FOXB1: variants seen among roughly 807,000 people sequenced by gnomAD.
The protein encoded by FOXB1 is forkhead box protein B1.
Under a neutral mutation model 18.6 loss-of-function variants are expected in FOXB1, and 6 were observed. The observed-to-expected ratio is 0.32, with a 90% confidence interval of 0.18 to 0.64. The LOEUF is 0.64. Among genes scored for constraint, FOXB1 ranks in the 30% least tolerant of loss-of-function variants. The probability of loss-of-function intolerance (pLI) is 0.78; values close to 1 mark genes in which losing one functional copy is unlikely to be tolerated. For missense variants in FOXB1, 419 were observed against 463.6 expected (o/e 0.90, Z 0.88); for synonymous variants, 213 against 216.0 (o/e 0.99, Z 0.12).
chr15:60,005,593 G>C lies in FOXB1; in HGVS notation c.630G>C (p.Ser210=). The C allele has an allele frequency of 6.2e-7, 1 of 1,607,350 alleles. No individual in the cohort carries two copies. The highest frequency in any genetic ancestry group is 8.5e-7 in the Non-Finnish European group (1 of 1,177,836). Residue 210 remains serine, a synonymous_variant, in exon 2 of 2, where the codon TCG becomes TCC. Transcript: ENST00000396057. This position sits in a 1 kb window ranked among gnomAD's most constrained non-coding sequence, Gnocchi z 9.8. ...ACCAGTTGACTACCATGGGCAGCTC[G>C]CTGGGCACCGGCTGGCCACACGTGT... ...LPNQLTTMGS[S]LGTGWPHVYG...
chr15:60,006,255 C>G lies in FOXB1; in HGVS notation c.*314C>G, dbSNP rs971284167. Reference sequence around the variant, plus strand: ...ATTTGACCGGCGGGGGAAACCCTGTCACCCCCTCTTCGCCGAGAAAAGCGC... The same window carrying G: ...ATTTGACCGGCGGGGGAAACCCTGTGACCCCCTCTTCGCCGAGAAAAGCGC... On this transcript the variant is annotated 3_prime_UTR_variant, in exon 2 of 2. Transcript: ENST00000396057. 4.8e-5 allele frequency: 20 copies of G among 416,814 alleles called. No individual in the cohort carries two copies. Among genetic ancestry groups the G allele is most frequent in the Admixed American group, 1.3e-4 (3 of 23,676 alleles). The allele number at this position is 416,814 out of a possible 1,614,324, so 25.8% of individuals were successfully genotyped here. A position where few individuals can be genotyped will look rare whatever the true frequency, so the allele number is the denominator to read the frequency against.
rs931226034 is a variant in FOXB1 at position 60,004,522 on chromosome 15, G to C, written c.-179G>C. 2 of 156,898 alleles carry C rather than the reference G, an allele frequency of 1.3e-5. No individual in the cohort carries two copies. The highest frequency in any genetic ancestry group is 4.8e-5 in the African/African-American group (2 of 41,486). 9.7% of individuals were successfully genotyped at this position (156,898 alleles called of 1,614,324 possible). A position where few individuals can be genotyped will look rare whatever the true frequency, so the allele number is the denominator to read the frequency against. ...GGGCTGAGCTCAAGAGCCCAGGTTC[G>C]CGCCGAGTCCAACCGGACCCGGACG... On this transcript the variant is annotated 5_prime_UTR_variant, in exon 1 of 2. Coordinates refer to ENST00000396057, the MANE Select transcript of FOXB1 (RefSeq NM_012182.3).
chr15:60,004,851 C>G, intron 1 of FOXB1, 56 bp from the exon 2 acceptor site: 1 of 818,450 alleles, frequency 1.2e-6, no homozygotes. Context: ...TGGCTGACCC[C>G]GCCGGTGTCT....
Position 60,005,961 on chromosome 15 carries a change from C to T in FOXB1, c.*20C>T. The T allele has an allele frequency of 6.4e-7, 1 of 1,558,802 alleles. No individual in the cohort carries two copies. Among genetic ancestry groups the T allele is most frequent in the East Asian group, 2.4e-5 (1 of 42,110 alleles). Reference sequence around the variant, plus strand: ...CACTGACCCGCAGGAGCCCACGCCCCCTCTCGTTCTCCTCCCCACCACCTC... The same window carrying T: ...CACTGACCCGCAGGAGCCCACGCCCTCTCTCGTTCTCCTCCCCACCACCTC... On this transcript the variant is annotated 3_prime_UTR_variant, in exon 2 of 2. Coordinates refer to ENST00000396057, the MANE Select transcript of FOXB1 (RefSeq NM_012182.3). The surrounding 1 kb of genome is among the most constrained non-coding windows in gnomAD (Gnocchi z 9.8).
rs1294189059 is a variant in FOXB1, at chr15:60,005,473, C to T, written c.510C>T (p.Phe170=). ...VAQPSGFKHP[F]AIENIIAREY... ...AGCCCTCGGGCTTCAAGCACCCCTTCGCCATCGAGAACATCATCGCGCGGG... is the reference window on the plus strand; with the variant it reads ...AGCCCTCGGGCTTCAAGCACCCCTTTGCCATCGAGAACATCATCGCGCGGG... Residue 170 remains phenylalanine, a synonymous_variant, in exon 2 of 2, where the codon TTC becomes TTT. Transcript: ENST00000396057. This position sits in a 1 kb window ranked among gnomAD's most constrained non-coding sequence, Gnocchi z 9.8. 2.3e-5 allele frequency: 37 copies of T among 1,611,880 alleles called. No homozygotes were observed. Among genetic ancestry groups the T allele is most frequent in the Non-Finnish European group, 3.1e-5 (37 of 1,179,644 alleles).
chr15:60,005,455 G>C lies in FOXB1; in HGVS notation c.492G>C (p.Ser164=), dbSNP rs745550511. Residue 164 remains serine, a synonymous_variant, in exon 2 of 2, where the codon TCG becomes TCC. Transcript: ENST00000396057. The surrounding 1 kb of genome is among the most constrained non-coding windows in gnomAD (Gnocchi z 9.8). The part of the protein sequence containing the change: ...AYNLGGVAQP[S]GFKHPFAIEN... The stretch of plus-strand genomic sequence containing the variant: ...ACTTGGGCGGCGTGGCGCAGCCCTC[G>C]GGCTTCAAGCACCCCTTCGCCATCG... The C allele has an allele frequency of 3.2e-5, 52 of 1,611,388 alleles. No homozygotes were observed. The highest frequency in any genetic ancestry group is 4.5e-5 in the East Asian group (2 of 44,846).
intron 1 of FOXB1, 51 bp downstream of exon 1, chr15:60,004,694 A>C: frequency 1.4e-5 from 7 of 512,310 alleles, no homozygotes; most frequent in Non-Finnish European, 1.1e-5. Context: ...CCCAGTACCG[A>C]CTTACTTCCC....
rs1892111860 is a variant in FOXB1, at chr15:60,007,338, T to A, written c.*1397T>A. The stretch of plus-strand genomic sequence containing the variant: ...GCATTTTAAATATTGATGTTCTTGT[T>A]CCCAGCATGCCTGTTTTAAAACAAA... On this transcript the variant is annotated 3_prime_UTR_variant, in exon 2 of 2. Coordinates refer to ENST00000396057, the MANE Select transcript of FOXB1 (RefSeq NM_012182.3). 6.6e-6 allele frequency: 1 copy of A among 152,148 alleles called. No homozygotes were observed. Among genetic ancestry groups the A allele is most frequent in the South Asian group, 2.1e-4 (1 of 4,824 alleles). The allele number at this position is 152,148 out of a possible 1,614,324, so 9.4% of individuals were successfully genotyped here.
rs573621044 is a variant in FOXB1 at position 60,005,593 on chromosome 15, G to T, written c.630G>T (p.Ser210=). 7 of 1,607,350 alleles carry T rather than the reference G, an allele frequency of 4.4e-6. No homozygotes were observed. In the South Asian group the frequency reaches 4.4e-5, roughly 10 times the overall value. The change falls in exon 2 of 2, where the codon TCG becomes TCT. Residue 210 remains serine, a synonymous_variant. Transcript: ENST00000396057. The surrounding 1 kb of genome is among the most constrained non-coding windows in gnomAD (Gnocchi z 9.8). Reference sequence around the variant, plus strand: ...ACCAGTTGACTACCATGGGCAGCTCGCTGGGCACCGGCTGGCCACACGTGT... The same window carrying T: ...ACCAGTTGACTACCATGGGCAGCTCTCTGGGCACCGGCTGGCCACACGTGT... The part of the protein sequence containing the change: ...LPNQLTTMGS[S]LGTGWPHVYG...
At position 60,005,311 on chromosome 15, in the gene FOXB1, C is replaced by A; in HGVS notation, c.348C>A (p.His116Gln). ...RKRFKVLKSD[H>Q]LAPSKPADAA... ...GCTTCAAGGTGCTTAAGTCCGACCA[C>A]CTGGCGCCCAGCAAGCCAGCCGACG... Residue 116 changes from histidine (H) to glutamine (Q), a missense_variant, in exon 2 of 2, where the codon CAC becomes CAA. This residue lies in a region of FOXB1 where 153 missense variants were observed against 173.8 expected (regional missense o/e 0.88). Transcript: ENST00000396057. This position sits in a 1 kb window ranked among gnomAD's most constrained non-coding sequence, Gnocchi z 9.8. 6.2e-7 allele frequency: 1 copy of A among 1,611,970 alleles called. No individual in the cohort carries two copies. Among genetic ancestry groups the A allele is most frequent in the Non-Finnish European group, 8.5e-7 (1 of 1,179,708 alleles).
Position 60,006,192 on chromosome 15 carries a change from C to A in FOXB1, c.*251C>A. ...CAAGGAAGGCCGGGGCCACCTGAGC[C>A]GAACCATCCCCTCCCTGAGGCCCCG... On this transcript the variant is annotated 3_prime_UTR_variant, in exon 2 of 2. Coordinates refer to ENST00000396057, the MANE Select transcript of FOXB1 (RefSeq NM_012182.3). The A allele has an allele frequency of 2.0e-6, 1 of 506,526 alleles. No individual in the cohort carries two copies. Among genetic ancestry groups the A allele is most frequent in the Admixed American group, 3.8e-5 (1 of 26,038 alleles). The allele number at this position is 506,526 out of a possible 1,614,324, so 31.4% of individuals were successfully genotyped here. A position where few individuals can be genotyped will look rare whatever the true frequency, so the allele number is the denominator to read the frequency against.
Position 60,005,548 on chromosome 15 carries a change from C to A in FOXB1, c.585C>A (p.Pro195=). 3.1e-6 allele frequency: 5 copies of A among 1,609,446 alleles called. No individual in the cohort carries two copies. Among genetic ancestry groups the A allele is most frequent in the Non-Finnish European group, 4.2e-6 (5 of 1,178,664 alleles). The change falls in exon 2 of 2, where the codon CCC becomes CCA. Residue 195 remains proline, a synonymous_variant. Coordinates refer to ENST00000396057, the MANE Select transcript of FOXB1 (RefSeq NM_012182.3). This position sits in a 1 kb window ranked among gnomAD's most constrained non-coding sequence, Gnocchi z 9.8. The part of the protein sequence containing the change: ...GLAFSAMQPV[P]AAYPLPNQLT... ...CCTTCTCCGCCATGCAGCCGGTGCC[C>A]GCTGCCTACCCGCTCCCCAACCAGT...
In FOXB1 at chr15:60,006,836, G is replaced by GTGGGGATGA. The variant is rs1892105571; in HGVS notation, c.*903_*904insATGGGGATG. Reference sequence around the variant, plus strand: ...TGGCCAGGTTTAGAAAGGGAGGGAAGTGGGGATGGGAAAGTTAATTGGGAT... The same window carrying GTGGGGATGA: ...TGGCCAGGTTTAGAAAGGGAGGGAAGTGGGGATGATGGGGATGGGAAAGTTAATTGGGAT... On this transcript the variant is annotated 3_prime_UTR_variant, in exon 2 of 2. Coordinates refer to ENST00000396057, the MANE Select transcript of FOXB1 (RefSeq NM_012182.3). The GTGGGGATGA allele has an allele frequency of 1.3e-5, 2 of 151,790 alleles. No homozygotes were observed. The highest frequency in any genetic ancestry group is 2.4e-5 in the African/African-American group (1 of 41,248). The allele number at this position is 151,790 out of a possible 1,614,324, so 9.4% of individuals were successfully genotyped here.
chr15:60,005,517 G>A lies in FOXB1; in HGVS notation c.554G>A (p.Gly185Glu). ...GCGCGGGAATACAAGATGCCTGGGG[G>A]GCTGGCCTTCTCCGCCATGCAGCCG... ...IIAREYKMPG[G>E]LAFSAMQPVP... Residue 185 changes from glycine to glutamate, a missense_variant, in exon 2 of 2, where the codon GGG (glycine) becomes GAG (glutamate). Physicochemically the swap from Gly to Glu is moderately conservative, Grantham distance 98. Around this residue, in one of 3 missense-constraint regions of FOXB1, gnomAD observed 71 missense variants for 110.0 expected, o/e 0.65. Coordinates refer to ENST00000396057, the MANE Select transcript of FOXB1 (RefSeq NM_012182.3). This position sits in a 1 kb window ranked among gnomAD's most constrained non-coding sequence, Gnocchi z 9.8. 6.2e-7 allele frequency: 1 copy of A among 1,611,052 alleles called. No homozygotes were observed. Among genetic ancestry groups the A allele is most frequent in the Non-Finnish European group, 8.5e-7 (1 of 1,179,294 alleles).
At position 60,006,930 on chromosome 15, in the gene FOXB1, A is replaced by AAG. The variant is rs1892107649; in HGVS notation, c.*990_*991insGA. The AAG allele has an allele frequency of 2.8e-5, 4 of 145,088 alleles. No individual in the cohort carries two copies. The highest frequency in any genetic ancestry group is 7.5e-5 in the African/African-American group (3 of 40,246). 9.0% of individuals were successfully genotyped at this position (145,088 alleles called of 1,614,324 possible). A position where few individuals can be genotyped will look rare whatever the true frequency, so the allele number is the denominator to read the frequency against. On this transcript the variant is annotated 3_prime_UTR_variant, in exon 2 of 2. Coordinates refer to ENST00000396057, the MANE Select transcript of FOXB1 (RefSeq NM_012182.3). ...TATTGTTGGGAAAAAAAAAAAAAAA[A>AAG]AAGAAGGAAAGAAAATGAAATAAGC...
In FOXB1 at chr15:60,005,844, C is replaced by A. The variant is rs757668305; in HGVS notation, c.881C>A (p.Thr294Lys). ...AACTCGCCGCCCTCGCTCAGCCCCA[C>A]GTCCTCGCAAACAGCCACCAGCCAA... ...LSNSPPSLSP[T>K]SSQTATSQSS... The change falls in exon 2 of 2, where the codon ACG becomes AAG. Residue 294 changes from threonine (T) to lysine (K), a missense_variant. By Grantham distance (78) the Thr-to-Lys change is moderately conservative. Coordinates refer to ENST00000396057, the MANE Select transcript of FOXB1 (RefSeq NM_012182.3). This position sits in a 1 kb window ranked among gnomAD's most constrained non-coding sequence, Gnocchi z 9.8. The A allele has an allele frequency of 1.2e-6, 2 of 1,602,768 alleles. No homozygotes were observed. The highest frequency in any genetic ancestry group is 2.7e-5 in the African/African-American group (2 of 74,644).
In FOXB1 at chr15:60,006,631, A is replaced by G. The variant is rs1044664718; in HGVS notation, c.*690A>G. On this transcript the variant is annotated 3_prime_UTR_variant, in exon 2 of 2. Transcript: ENST00000396057. Reference sequence around the variant, plus strand: ...CTGGGAGTTAGGAAAGAGGCTGCCAAGCTGAGAAAGCGACGCTCGTCCTCA... The same window carrying G: ...CTGGGAGTTAGGAAAGAGGCTGCCAGGCTGAGAAAGCGACGCTCGTCCTCA... 2.9e-4 allele frequency: 44 copies of G among 152,112 alleles called. No homozygotes were observed. The highest frequency in any genetic ancestry group is 1.1e-3 in the African/African-American group (44 of 41,392). The allele number at this position is 152,112 out of a possible 1,614,324, so 9.4% of individuals were successfully genotyped here.
At position 60,004,334 on chromosome 15, in the gene FOXB1, T is replaced by C. The variant is rs1892062136; in HGVS notation, c.-367T>C. On this transcript the variant is annotated 5_prime_UTR_variant, in exon 1 of 2. The change abolishes an upstream ATG in the 5' untranslated region. Coordinates refer to ENST00000396057, the MANE Select transcript of FOXB1 (RefSeq NM_012182.3). ...CTATCAGATGGTTCGAGGGAGGACA[T>C]GGAGGCAGCCACCTAGCTCAGCGGA... 1 of 152,194 alleles carries C rather than the reference T, an allele frequency of 6.6e-6. No individual in the cohort carries two copies. Among genetic ancestry groups the C allele is most frequent in the African/African-American group, 2.4e-5 (1 of 41,422 alleles). 9.4% of individuals were successfully genotyped at this position (152,194 alleles called of 1,614,324 possible). A position where few individuals can be genotyped will look rare whatever the true frequency, so the allele number is the denominator to read the frequency against.
chr15:60,005,996 C>T lies in FOXB1; in HGVS notation c.*55C>T. On this transcript the variant is annotated 3_prime_UTR_variant, in exon 2 of 2. Transcript: ENST00000396057. The surrounding 1 kb of genome is among the most constrained non-coding windows in gnomAD (Gnocchi z 9.8). The stretch of plus-strand genomic sequence containing the variant: ...TCCTCCCCACCACCTCACTCGCCTT[C>T]CCTGGCTCCCAGTCCTGCCGGCCCC... 4 of 1,499,232 alleles carry T rather than the reference C, an allele frequency of 2.7e-6. No homozygotes were observed. Among genetic ancestry groups the T allele is most frequent in the Non-Finnish European group, 3.6e-6 (4 of 1,125,718 alleles). The allele number at this position is 1,499,232 out of a possible 1,614,324, so 92.9% of individuals were successfully genotyped here.
Sources: gnomAD v4.1 joint callset for allele counts on GRCh38, gnomAD v4.1.1 for gene constraint, gnomAD v4.1.1 regional missense constraint, Gnocchi (gnomAD v3.1) non-coding constraint, MANE v1.5 for transcripts, NCBI Gene and HGNC (gene_info 2026-07-23, HGNC 2026-07-21) for gene names.